Variants in TTC12 observed in about 807,000 individuals in gnomAD.
TTC12 encodes the protein tetratricopeptide repeat protein 12.
A neutral mutation model predicts 90.1 loss-of-function variants in TTC12; 70 were observed. The observed-to-expected ratio is 0.78, with a 90% CI of 0.64 to 0.95. The LOEUF is 0.95. TTC12 is among the 40% of genes least tolerant of loss of function. The probability of loss-of-function intolerance (pLI) is 0.00; values close to 1 mark genes in which losing one functional copy is unlikely to be tolerated. For missense variants in TTC12, 819 were observed against 846.1 expected (o/e 0.97, Z 0.40); for synonymous variants, 296 against 311.5 (o/e 0.95, Z 0.53).
intron 2 of TTC12, among the ~76,000 whole-genome samples, chr11:113,322,822 G>A (rs1947423904): frequency 1.3e-5 from 2 of 152,150 alleles, no homozygotes; most frequent in South Asian, 4.1e-4. Context: ...ATTGACCATG[G>A]AATCTAAGCT....
At chr11:113,363,430 G>A (rs1272806551) in intron 19 of TTC12, among the ~76,000 whole-genome samples, 1 of 152,216 alleles carries the variant, frequency 6.6e-6, no homozygotes, top group Non-Finnish European at 1.5e-5. Flanking sequence ...CCTCATGCAG[G>A]ACTGTCAGCC....
chr11:113,335,119 C>CCT, intron 8 of TTC12, 82 bp downstream of exon 8: 4 of 1,011,360 alleles, frequency 4.0e-6, no homozygotes, highest in Non-Finnish European at 6.2e-6. Context: ...CCATGATTCT[C>CCT]CAAGCTGATT....
At chr11:113,349,030 G>T (rs983410358) in intron 13 of TTC12, among the ~76,000 whole-genome samples, 1 of 152,262 alleles carries the variant, frequency 6.6e-6, no homozygotes, top group Non-Finnish European at 1.5e-5. Context: ...CCTGCAAGCT[G>T]CCTGGAGCCA....
intron 1 of TTC12, 128 bp from the exon 2 acceptor site, chr11:113,316,115 T>C (rs1477499552): frequency 4.7e-6 from 2 of 423,974 alleles, no homozygotes; most frequent in Non-Finnish European, 8.5e-6. Context: ...CCTGCTGTTA[T>C]TCATTGACAT....
chr11:113,340,245 AT>A lies in TTC12; in HGVS notation c.827-418del, dbSNP rs1458358198. On this transcript the variant is annotated intron_variant, in intron 10 of 21. Coordinates refer to ENST00000529221, the MANE Select transcript of TTC12 (RefSeq NM_017868.4). ...AGTGTACAATGGAGGGCACACAAAT[AT>A]CCCCTTCAGCAGTTTCTTGGAGATT... 5.9e-5 allele frequency among the ~76,000 whole-genome samples: 9 copies of A among 152,216 alleles called. No homozygotes were observed. The South Asian group carries it at 6.2e-4, about 11-fold the overall frequency.
intron 16 of TTC12, among the ~76,000 whole-genome samples, chr11:113,356,634 C>T (rs906463132): frequency 6.6e-6 from 1 of 152,090 alleles, no homozygotes; most frequent in South Asian, 2.1e-4. Context: ...TATGACAGGT[C>T]TGGTGATAAT....
chr11:113,325,731 T>G, intron 6 of TTC12, 86 bp downstream of exon 6: 1 of 1,551,314 alleles, frequency 6.4e-7, no homozygotes. Context: ...GGCTAGATGT[T>G]GGGCTGGGAA....
At chr11:113,369,814 GTATT>G (rs1950335225), downstream of TTC12, among the ~76,000 whole-genome samples, 1 of 152,144 alleles carries the variant, frequency 6.6e-6, no homozygotes, top group Non-Finnish European at 1.5e-5. Context: ...CAGATAGAAA[GTATT>G]TACTTAATGG....
At chr11:113,324,095 A>C in intron 4 of TTC12, 80 bp downstream of exon 4, 1 of 1,162,646 alleles carries the variant, frequency 8.6e-7, no homozygotes, top group East Asian at 2.4e-5. Context: ...CAGACCCTTA[A>C]ATTATTGCCT....
Position 113,360,015 on chromosome 11 carries a change from T to C in TTC12, c.1614+7T>C. On this transcript the variant is annotated splice_region_variant and intron_variant, in intron 18 of 21. Transcript: ENST00000529221. Reference sequence around the variant, plus strand: ...GGATGGAGGAATCCTGACAGTAAGTTTCTCCCAGGGAAATCCAGAAGCAGC... The same window carrying C: ...GGATGGAGGAATCCTGACAGTAAGTCTCTCCCAGGGAAATCCAGAAGCAGC... 1 of 1,576,686 alleles carries C rather than the reference T, an allele frequency of 6.3e-7. No individual in the cohort carries two copies.
chr11:113,330,812 C>T lies in TTC12; in HGVS notation c.504+833C>T, dbSNP rs563235637. On this transcript the variant is annotated intron_variant, in intron 7 of 21. Coordinates refer to ENST00000529221, the MANE Select transcript of TTC12 (RefSeq NM_017868.4). ...TACCTGAAAAACCTTGTTAATTTTG[C>T]ACAGCACTTCATAAAACTTATCTTT... is the stretch of plus-strand genomic sequence containing the variant. Among the ~76,000 whole-genome samples the T allele has an allele frequency of 2.6e-5, 4 of 152,264 alleles. No homozygotes were observed. The South Asian group carries it at 8.3e-4, about 32-fold the overall frequency.
intron 15 of TTC12, 59 bp downstream of exon 15, chr11:113,351,358 C>A: frequency 7.4e-7 from 1 of 1,358,564 alleles, no homozygotes; most frequent in Non-Finnish European, 1.1e-6. Context: ...GTGAATGGGG[C>A]TGTTTAAACA....
At chr11:113,369,699 T>C (rs931357515), downstream of TTC12, among the ~76,000 whole-genome samples, 1 of 152,162 alleles carries the variant, frequency 6.6e-6, no homozygotes, top group Non-Finnish European at 1.5e-5. Context: ...TCACCACATT[T>C]CTCAGAGCCC....
At chr11:113,365,095 G>T (rs1448442907) in intron 21 of TTC12, 35 bp downstream of exon 21, 1 of 1,586,482 alleles carries the variant, frequency 6.3e-7, no homozygotes, top group Non-Finnish European at 8.6e-7. Flanking sequence ...CTGACCTATT[G>T]CAGAAAGAGC....
chr11:113,373,014 C>T (rs977155308), intron 21 of TTC12: 7 of 167,210 alleles, frequency 4.2e-5, no homozygotes, highest in African/African-American at 1.7e-4. Flanking sequence ...CAATCTTACA[C>T]ATCCACAAAG....
chr11:113,341,516 A>C, intron 11 of TTC12: 2 of 325,792 alleles, frequency 6.1e-6, no homozygotes, highest in Non-Finnish European at 1.2e-5. Flanking sequence ...GTGCTTCCTG[A>C]GGCTTAGGAT....
intron 14 of TTC12, among the ~76,000 whole-genome samples, chr11:113,350,495 A>G (rs1165565077): frequency 1.3e-5 from 2 of 152,166 alleles, no homozygotes; most frequent in Non-Finnish European, 2.9e-5. Context: ...CTGCCCAGCA[A>G]ATTTGCGTTG....
Position 113,366,265 on chromosome 11 carries a change from C to T in TTC12, c.2083C>T (p.Leu695Phe). Residue 695 changes from leucine (L) to phenylalanine (F), a missense_variant, in exon 22 of 22, where the codon CTC (leucine) becomes TTC (phenylalanine). Transcript: ENST00000529221. ...GAGAAAGCTTCATGGCCTAGAAATT[C>T]TCAACTCTACGATGAAATACATCAG... ...QLRKLHGLEI[L>F]NSTMKYISDS is the part of the protein sequence containing the mutation. The T allele has an allele frequency of 6.2e-7, 1 of 1,613,804 alleles. No individual in the cohort carries two copies. The highest frequency in any genetic ancestry group is 8.5e-7 in the Non-Finnish European group (1 of 1,180,042).
rs537714993 is a variant in TTC12 at position 113,341,453 on chromosome 11, T to C, written c.897-384T>C. On this transcript the variant is annotated intron_variant, in intron 11 of 21. Coordinates refer to ENST00000529221, the MANE Select transcript of TTC12 (RefSeq NM_017868.4). ...AATTTCATCTGAAGAAAGACCTGTA[T>C]GGTAGGATGCAGTTTGCTAAAGTGA... 2.7e-3 allele frequency among the ~76,000 whole-genome samples: 412 copies of C among 152,278 alleles called. 5 individuals carry two copies. Among genetic ancestry groups the C allele is most frequent in the Admixed American group, 0.023 (352 of 15,304 alleles).
Sources: gnomAD v4.1 joint callset for allele counts (sites outside exome capture counted in the v4.1 genomes callset) on GRCh38, gnomAD v4.1.1 for gene constraint, MANE v1.5 for transcripts, NCBI Gene and HGNC (gene_info 2026-07-23, HGNC 2026-07-21) for gene names.